The following CREB5 variants were observed in gnomAD, a reference collection of about 807,000 sequenced individuals.
The protein encoded by CREB5 is cAMP responsive element binding protein 5.
A neutral mutation model predicts 57.1 loss-of-function variants in CREB5; 19 were observed. The ratio of observed to expected loss-of-function variants is 0.33; its 90% CI spans 0.23 to 0.49. The LOEUF (loss-of-function observed/expected upper bound fraction) is 0.49, where lower values mean the gene tolerates loss of function less well. Among genes scored for constraint, CREB5 ranks in the 20% least tolerant of loss-of-function variants. CREB5 has a pLI of 0.99. For synonymous variants in CREB5, 238 were observed against 238.3 expected, an observed-to-expected ratio of 1.00 and a Z score of 0.01; for missense variants, 579 against 671.6, an observed-to-expected ratio of 0.86 and a Z score of 1.52.
chr7:28,742,106 A>G (rs1202162973), intron 7 of CREB5, among the ~76,000 whole-genome samples: 4 of 150,228 alleles, frequency 2.7e-5, no homozygotes, highest in Non-Finnish European at 4.4e-5. Flanking sequence ...TGGTGTTCTC[A>G]CATTTGATTA....
At chr7:28,616,430 C>A (rs555959681) in intron 5 of CREB5, among the ~76,000 whole-genome samples, 3 of 152,080 alleles carry the variant, frequency 2.0e-5, no homozygotes, top group Non-Finnish European at 1.5e-5. Context: ...CTTCTTCAAG[C>A]GTGTGACCCA....
At chr7:28,396,398 T>C (rs1787335410) in intron 1 of CREB5, among the ~76,000 whole-genome samples, 1 of 152,180 alleles carries the variant, frequency 6.6e-6, no homozygotes, top group South Asian at 2.1e-4. Flanking sequence ...TTTGCACCTG[T>C]TGGGGATGTT....
chr7:28,797,027 T>C (rs1808086564), intron 7 of CREB5, among the ~76,000 whole-genome samples: 1 of 152,250 alleles, frequency 6.6e-6, no homozygotes, highest in Non-Finnish European at 1.5e-5. Context: ...AAATGTGCAT[T>C]CATTAATTTC....
intron 1 of CREB5, among the ~76,000 whole-genome samples, chr7:28,393,947 C>A (rs2127998323): frequency 6.6e-6 from 1 of 151,840 alleles, no homozygotes; most frequent in East Asian, 1.9e-4. Context: ...CAGTTGTGCA[C>A]ACCTGTAGTC....
At chr7:28,706,233 G>A (rs1176394743) in intron 5 of CREB5, among the ~76,000 whole-genome samples, 4 of 152,212 alleles carry the variant, frequency 2.6e-5, no homozygotes, top group Non-Finnish European at 4.4e-5. Flanking sequence ...ATGGTTGCCT[G>A]TAATCCCAGG....
rs569884553 is a variant in CREB5, at chr7:28,527,537, C to T, written c.291+19800C>T. On this transcript the variant is annotated intron_variant, in intron 4 of 10. Coordinates refer to ENST00000357727, the MANE Select transcript of CREB5 (RefSeq NM_182898.4). ...ACTGGTCTAAAAATTCTCTTGACAG[C>T]CAGGTGCAGTGGTTCTTGCCTGTAA... Among the ~76,000 whole-genome samples the T allele has an allele frequency of 5.3e-5, 8 of 152,312 alleles. No individual in the cohort carries two copies. The South Asian group carries it at 1.7e-3, about 32-fold the overall frequency.
intron 7 of CREB5, among the ~76,000 whole-genome samples, chr7:28,801,032 G>A (rs950913799): frequency 2.0e-5 from 3 of 152,182 alleles, no homozygotes; most frequent in African/African-American, 7.2e-5. Flanking sequence ...ATAGAACAAG[G>A]ACTGGCACAT....
At chr7:28,576,395 G>A (rs569929571) in intron 5 of CREB5, among the ~76,000 whole-genome samples, 1 of 152,174 alleles carries the variant, frequency 6.6e-6, no homozygotes, top group Non-Finnish European at 1.5e-5. Context: ...AAAGTAACTT[G>A]TCCAAAGTCA....
chr7:28,546,050 C>G (rs947033313), intron 4 of CREB5, among the ~76,000 whole-genome samples: 23 of 152,150 alleles, frequency 1.5e-4, no homozygotes, highest in African/African-American at 5.3e-4. Context: ...ACTCCCCGTC[C>G]CCATCCCCTT....
At chr7:28,696,765 C>T (rs1011581167) in intron 5 of CREB5, among the ~76,000 whole-genome samples, 1 of 150,106 alleles carries the variant, frequency 6.7e-6, no homozygotes, top group Non-Finnish European at 1.5e-5. Context: ...TACATACACA[C>T]ATATACATAT....
chr7:28,472,748 G>T (rs531104077), intron 1 of CREB5, among the ~76,000 whole-genome samples: 13 of 152,270 alleles, frequency 8.5e-5, no homozygotes, highest in Admixed American at 8.5e-4. Flanking sequence ...TGGAGGAACA[G>T]GTACTTCGAC....
chr7:28,770,087 A>T (rs548497552), intron 7 of CREB5, among the ~76,000 whole-genome samples: 5 of 152,320 alleles, frequency 3.3e-5, no homozygotes, highest in Admixed American at 1.3e-4. Flanking sequence ...TTCTTCCAAC[A>T]GCCGCATTCC....
chr7:28,300,299 T>G (rs139640576), intron 1 of CREB5, among the ~76,000 whole-genome samples: 11 of 152,316 alleles, frequency 7.2e-5, no homozygotes, highest in Non-Finnish European at 1.3e-4. Flanking sequence ...GATAATTTGC[T>G]TGTCTAATAT....
At chr7:28,337,621 T>A (rs1785851398) in intron 1 of CREB5, among the ~76,000 whole-genome samples, 1 of 152,064 alleles carries the variant, frequency 6.6e-6, no homozygotes, top group South Asian at 2.1e-4. Context: ...AGGCGGTAGA[T>A]CATTGGGTCT....
rs1554344299 is a variant in CREB5, at chr7:28,560,855, T to TGCGC, written c.292-9509_292-9508insCGCG. Among the ~76,000 whole-genome samples the TGCGC allele has an allele frequency of 6.9e-4, 39 of 56,424 alleles. 4 individuals are homozygous for TGCGC. The highest frequency in any genetic ancestry group is 8.8e-4 in the Non-Finnish European group (25 of 28,484). 37.0% of individuals were successfully genotyped at this position (56,424 alleles called of 152,430 possible). A position where few individuals can be genotyped will look rare whatever the true frequency, so the allele number is the denominator to read the frequency against. On this transcript the variant is annotated intron_variant, in intron 4 of 10. Coordinates refer to ENST00000357727, the MANE Select transcript of CREB5 (RefSeq NM_182898.4). ...GCGCGTGTGTGTGTGCGCGTGTGTG[T>TGCGC]GTGCGTGTGCCTGCGTGCGCGTGCG...
intron 5 of CREB5, among the ~76,000 whole-genome samples, chr7:28,572,376 C>T (rs1057341387): frequency 2.0e-5 from 3 of 152,178 alleles, no homozygotes; most frequent in Non-Finnish European, 4.4e-5. Flanking sequence ...TTGCTGCTAT[C>T]TAAATCAAGA....
At chr7:28,418,940 G>T (rs768094781) in intron 1 of CREB5, among the ~76,000 whole-genome samples, 1 of 152,082 alleles carries the variant, frequency 6.6e-6, no homozygotes, top group Non-Finnish European at 1.5e-5. Flanking sequence ...ACATTCTTTC[G>T]GGTGCTTTCC....
intron 1 of CREB5, among the ~76,000 whole-genome samples, chr7:28,326,807 T>A (rs1785616383): frequency 6.6e-6 from 1 of 152,168 alleles, no homozygotes. Context: ...CAGTTCTAAG[T>A]TAAAGAATAT....
chr7:28,655,048 G>A lies in CREB5; in HGVS notation c.465-63705G>A, dbSNP rs117321498. Among the ~76,000 whole-genome samples the A allele has an allele frequency of 6.3e-3, 962 of 152,134 alleles. 5 individuals carry two copies. The highest frequency in any genetic ancestry group is 9.9e-3 in the Non-Finnish European group (670 of 67,986). ...ACAGCAGCCACCAGAATAGCTGGGG[G>A]TGTGCCACTATGCTTGGCTAATTTT... On this transcript the variant is annotated intron_variant, in intron 5 of 10. Transcript: ENST00000357727.
Sources: gnomAD v4.1 joint callset for allele counts (sites outside exome capture counted in the v4.1 genomes callset) on GRCh38, gnomAD v4.1.1 for gene constraint, MANE v1.5 for transcripts, NCBI Gene and HGNC (gene_info 2026-07-23, HGNC 2026-07-21) for gene names.